DDRGK1: variants seen among roughly 807,000 people sequenced by gnomAD.
The protein encoded by DDRGK1 is DDRGK domain-containing protein 1.
Under a neutral mutation model 45.8 loss-of-function variants are expected in DDRGK1, and 38 were observed. The observed-to-expected ratio is 0.83, with a 90% CI of 0.64 to 1.09. The LOEUF (loss-of-function observed/expected upper bound fraction) is 1.09, where lower values mean the gene tolerates loss of function less well. Among genes scored for constraint, DDRGK1 ranks in the 50% least tolerant of loss-of-function variants. DDRGK1 has a pLI of 0.00. For missense variants in DDRGK1, 403 were observed against 419.9 expected (o/e 0.96, Z 0.35); for synonymous variants, 171 against 168.7 (o/e 1.01, Z -0.11).
In DDRGK1 at chr20:3,194,747, G is replaced by A; in HGVS notation, c.672+83C>T. On this transcript the variant is annotated intron_variant, in intron 6 of 8. Transcript: ENST00000354488. ...ACTCCTGCATGAGCCTGAATGCCCT[G>A]CCTGCAGCCCCCGCTGGAGGCATCC... 6.4e-7 allele frequency: 1 copy of A among 1,573,954 alleles called. No individual in the cohort carries two copies. The highest frequency in any genetic ancestry group is 8.7e-7 in the Non-Finnish European group (1 of 1,147,454).
rs555014563 is a variant in DDRGK1, at chr20:3,201,621, C to T, written c.296-1167G>A. On this transcript the variant is annotated intron_variant, in intron 2 of 8. Coordinates refer to ENST00000354488, the MANE Select transcript of DDRGK1 (RefSeq NM_023935.3). ...GTACTGTGGCTGATAAGCCAGAATA[C>T]AGCATAGGGGAGGCATTAGGAGAGA... Among the ~76,000 whole-genome samples, 214 of 151,080 alleles carry T rather than the reference C, an allele frequency of 1.4e-3. 1 individual carries two copies. Among genetic ancestry groups the T allele is most frequent in the African/African-American group, 5.1e-3 (209 of 41,296 alleles).
chr20:3,197,748 G>A (rs543723305), intron 4 of DDRGK1, among the ~76,000 whole-genome samples: 11 of 151,452 alleles, frequency 7.3e-5, no homozygotes, highest in East Asian at 2.0e-4. Context: ...TGGCCAATAC[G>A]GTGAAACCCC....
intron 6 of DDRGK1, 31 bp from the exon 7 acceptor site, chr20:3,191,852 G>T: frequency 6.3e-7 from 1 of 1,587,912 alleles, no homozygotes. Flanking sequence ...AGAAAGAGAG[G>T]CTGAGCTTGG....
chr20:3,199,901 A>C, intron 4 of DDRGK1, 100 bp downstream of exon 4: 1 of 1,135,966 alleles, frequency 8.8e-7, no homozygotes. Context: ...TGCCAGGTCT[A>C]TGGCCCACCT....
At chr20:3,200,561 CA>C (rs1358732368) in intron 2 of DDRGK1, 107 bp from the exon 3 acceptor site, 2 of 972,412 alleles carry the variant, frequency 2.1e-6, no homozygotes, top group Non-Finnish European at 3.1e-6. Flanking sequence ...CCCTTCCACC[CA>C]CCTGCAAATG....
At chr20:3,192,931 G>A (rs1051994566) in intron 6 of DDRGK1, among the ~76,000 whole-genome samples, 6 of 152,198 alleles carry the variant, frequency 3.9e-5, no homozygotes, top group African/African-American at 7.2e-5. Flanking sequence ...ACAAAGTGAC[G>A]TGGTCAGCTG....
chr20:3,204,440 G>C, intron 1 of DDRGK1, 97 bp downstream of exon 1: 1 of 1,296,824 alleles, frequency 7.7e-7, no homozygotes, highest in Non-Finnish European at 1.1e-6. Context: ...CGCCCGCCCA[G>C]GTGCGCACGC....
intron 4 of DDRGK1, 25 bp downstream of exon 4, chr20:3,199,976 A>C: frequency 3.8e-6 from 6 of 1,582,770 alleles, no homozygotes; most frequent in Non-Finnish European, 5.1e-6. Context: ...CAAGGGTCAG[A>C]GGTCAGGGTA....
At position 3,191,230 on chromosome 20, in the gene DDRGK1, T is replaced by G; in HGVS notation, c.738A>C (p.Ile246=). The change falls in exon 8 of 9, where the codon ATA becomes ATC. Residue 246 remains isoleucine, a synonymous_variant. Transcript: ENST00000354488. ...CAGCCAGCAGGTCCTGGATGCGATT[T>G]ATGGTGTCCTATGAGGAGAACAACT... ...SQVGLRTQDT[I]NRIQDLLAEG... is the part of the protein sequence containing the mutation. 6.2e-7 allele frequency: 1 copy of G among 1,614,192 alleles called. No homozygotes were observed. The highest frequency in any genetic ancestry group is 1.1e-5 in the South Asian group (1 of 91,084).
chr20:3,191,772 C>A lies in DDRGK1; in HGVS notation c.722G>T (p.Arg241Leu). ...CCACGTTCCAGGGCTTACCTGAGTGCGTAGGCCCACCTGGGAAGCCAGGTC... is the reference window on the plus strand; with the variant it reads ...CCACGTTCCAGGGCTTACCTGAGTGAGTAGGCCCACCTGGGAAGCCAGGTC... ...LEDLASQVGL[R>L]TQDTINRIQD... The change falls in exon 7 of 9, where the codon CGC (arginine) becomes CTC (leucine). Residue 241 changes from arginine to leucine, a missense_variant. Coordinates refer to ENST00000354488, the MANE Select transcript of DDRGK1 (RefSeq NM_023935.3). 1 of 1,605,346 alleles carries A rather than the reference C, an allele frequency of 6.2e-7. No individual in the cohort carries two copies. Among genetic ancestry groups the A allele is most frequent in the Non-Finnish European group, 8.5e-7 (1 of 1,175,810 alleles).
chr20:3,200,966 T>C (rs894782290), intron 2 of DDRGK1, among the ~76,000 whole-genome samples: 2 of 152,020 alleles, frequency 1.3e-5, no homozygotes, highest in African/African-American at 4.8e-5. Flanking sequence ...AAAAATTAGC[T>C]GGGTGTGGTG....
intron 2 of DDRGK1, among the ~76,000 whole-genome samples, chr20:3,202,954 G>A (rs2067046700): frequency 6.6e-6 from 1 of 152,136 alleles, no homozygotes; most frequent in South Asian, 2.1e-4. Flanking sequence ...AGGATAGAAG[G>A]GGTGAATTGA....
chr20:3,202,067 C>A (rs2067042781), intron 2 of DDRGK1, among the ~76,000 whole-genome samples: 1 of 151,942 alleles, frequency 6.6e-6, no homozygotes, highest in Non-Finnish European at 1.5e-5. Flanking sequence ...GCAAGCTCCA[C>A]CTCCCGGGTT....
At chr20:3,191,717 C>T (rs746576384) in intron 7 of DDRGK1, 48 bp downstream of exon 7, 2 of 1,566,734 alleles carry the variant, frequency 1.3e-6, no homozygotes, top group Non-Finnish European at 1.7e-6. Context: ...CTGCTAGCCA[C>T]AGACCCCTGG....
Position 3,195,355 on chromosome 20 carries a change from T to C in DDRGK1, c.511-2A>G. The C allele has an allele frequency of 6.3e-7, 1 of 1,593,142 alleles. No homozygotes were observed. The highest frequency in any genetic ancestry group is 8.5e-7 in the Non-Finnish European group (1 of 1,170,404). On this transcript the variant is annotated splice_acceptor_variant, in intron 4 of 8. Coordinates refer to ENST00000354488, the MANE Select transcript of DDRGK1 (RefSeq NM_023935.3). LOFTEE classifies it high-confidence loss of function. The stretch of plus-strand genomic sequence containing the variant: ...GCGGGCCTTCCTCTCCTCCTCCTCC[T>C]GTGGACATAGGAGGCAAAAGTCAGG...
rs1568501015 is a variant in DDRGK1, at chr20:3,200,001, C to T, written c.510G>A (p.Lys170=). The change falls in exon 4 of 9, where the codon AAG becomes AAA. Residue 170 remains lysine, a splice_region_variant and synonymous_variant. Transcript: ENST00000354488. The part of the protein sequence containing the change: ...EERLRLEEEQ[K]EEEERKAREE... ...AGGTCAGGGTAGGGGCTGGCCTCACCTTCTGCTCCTCCTCCAGGCGAAGCC... is the reference window on the plus strand; with the variant it reads ...AGGTCAGGGTAGGGGCTGGCCTCACTTTCTGCTCCTCCTCCAGGCGAAGCC... The T allele has an allele frequency of 1.2e-6, 2 of 1,609,116 alleles. No individual in the cohort carries two copies. The highest frequency in any genetic ancestry group is 1.7e-5 in the Admixed American group (1 of 59,586).
intron 2 of DDRGK1, among the ~76,000 whole-genome samples, chr20:3,201,629 GGGAGGCATTAGGA>G (rs1464898704): frequency 1.3e-5 from 2 of 152,002 alleles, no homozygotes; most frequent in Admixed American, 1.3e-4. Flanking sequence ...TACAGCATAG[GGGAGGCATTAGGA>G]GAGAGGGTTG....
At position 3,204,612 on chromosome 20, in the gene DDRGK1, A is replaced by G; in HGVS notation, c.16T>C (p.Trp6Arg). Residue 6 changes from tryptophan to arginine, a missense_variant, in exon 1 of 9, where the codon TGG becomes CGG. Trp to Arg is a moderately radical substitution (Grantham distance 101, BLOSUM62 -3). Transcript: ENST00000354488. ...AGCAGAGCCGCCGCTACCAAGTACC[A>G]CACAGGCGCCACCATGACGAGGGCC... MVAPV[W>R]YLVAAALLVG... 6.3e-7 allele frequency: 1 copy of G among 1,589,818 alleles called. No homozygotes were observed. The highest frequency in any genetic ancestry group is 8.5e-7 in the Non-Finnish European group (1 of 1,172,098).
chr20:3,199,914 T>C lies in DDRGK1; in HGVS notation c.510+87A>G. The C allele has an allele frequency of 3.2e-6, 4 of 1,252,332 alleles. No homozygotes were observed. In the South Asian group the frequency reaches 6.2e-5, roughly 19 times the overall value. 77.6% of individuals were successfully genotyped at this position (1,252,332 alleles called of 1,614,324 possible). ...TGTGCCAGGTCTATGGCCCACCTTCTAGGTTGGAGGTGCCAGGGAGCTGCA... is the reference window on the plus strand; with the variant it reads ...TGTGCCAGGTCTATGGCCCACCTTCCAGGTTGGAGGTGCCAGGGAGCTGCA... On this transcript the variant is annotated intron_variant, in intron 4 of 8. Transcript: ENST00000354488.
Sources: gnomAD v4.1 joint callset for allele counts (sites outside exome capture counted in the v4.1 genomes callset) on GRCh38, gnomAD v4.1.1 for gene constraint, MANE v1.5 for transcripts, NCBI Gene and HGNC (gene_info 2026-07-23, HGNC 2026-07-21) for gene names.